ITGB3BP: variants seen among roughly 807,000 people sequenced by gnomAD.
ITGB3BP encodes the protein centromere protein R.
Under a neutral mutation model 29.1 loss-of-function variants are expected in ITGB3BP, and 27 were observed. The observed-to-expected ratio is 0.93, with a 90% CI of 0.68 to 1.28. The LOEUF (loss-of-function observed/expected upper bound fraction) is 1.28, where lower values mean the gene tolerates loss of function less well. Among genes scored for constraint, ITGB3BP ranks in the 50% most tolerant of loss-of-function variants. The pLI is 0.00. For synonymous variants in ITGB3BP, 61 were observed against 61.4 expected, an observed-to-expected ratio of 0.99 and a Z score of 0.03; for missense variants, 192 against 200.2, an observed-to-expected ratio of 0.96 and a Z score of 0.25.
intron 2 of ITGB3BP, among the ~76,000 whole-genome samples, chr1:63,506,007 A>G (rs1646069588): frequency 6.6e-6 from 1 of 152,130 alleles, no homozygotes; most frequent in Non-Finnish European, 1.5e-5. Context: ...TGGGGTGGAG[A>G]GTTCTGTAGA....
intron 8 of ITGB3BP, among the ~76,000 whole-genome samples, chr1:63,446,014 C>T (rs1471396498): frequency 6.6e-6 from 1 of 152,184 alleles, no homozygotes; most frequent in Non-Finnish European, 1.5e-5. Flanking sequence ...AGCGATTCTC[C>T]TGCCTCAGCC....
intron 2 of ITGB3BP, among the ~76,000 whole-genome samples, chr1:63,501,039 C>T (rs1199202506): frequency 5.9e-5 from 9 of 152,058 alleles, no homozygotes; most frequent in African/African-American, 2.2e-4. Flanking sequence ...AACAAAGGTG[C>T]CAAGGCTGTT....
At position 63,510,088 on chromosome 1, in the gene ITGB3BP, G is replaced by A. The variant is rs777645577; in HGVS notation, c.6-1518C>T. On this transcript the variant is annotated intron_variant, in intron 1 of 8. Coordinates refer to ENST00000271002, the MANE Select transcript of ITGB3BP (RefSeq NM_014288.5). ...GCCTGTAATCCCAACTACTCCCAAG[G>A]CTGAGGCAGGAGAATCGCTTGAACG... The A allele has an allele frequency of 1.8e-4, 110 of 619,072 alleles. No individual in the cohort carries two copies. The Admixed American group carries it at 1.8e-3, about 10-fold the overall frequency. 38.3% of individuals were successfully genotyped at this position (619,072 alleles called of 1,614,324 possible). A position where few individuals can be genotyped will look rare whatever the true frequency, so the allele number is the denominator to read the frequency against.
intron 1 of ITGB3BP, among the ~76,000 whole-genome samples, chr1:63,514,409 T>C (rs1439713493): frequency 2.0e-5 from 3 of 152,190 alleles, no homozygotes; most frequent in Non-Finnish European, 4.4e-5. Context: ...GTAGAGGTGC[T>C]AGATCATTGG....
chr1:63,453,978 AAAG>A lies in ITGB3BP; in HGVS notation c.428-7_428-5del. 6.5e-7 allele frequency: 1 copy of A among 1,544,136 alleles called. No homozygotes were observed. Among genetic ancestry groups the A allele is most frequent in the African/African-American group, 1.4e-5 (1 of 73,436 alleles). On this transcript the variant is annotated splice_region_variant and splice_polypyrimidine_tract_variant and intron_variant, in intron 6 of 8. Coordinates refer to ENST00000271002, the MANE Select transcript of ITGB3BP (RefSeq NM_014288.5). ...TTTTGTTTATTCACTTTTGTCACTA[AAAG>A]AAGTAAAAATCCCATGTCAAGAATT...
At chr1:63,453,795 C>A (rs574297095) in intron 7 of ITGB3BP, 123 bp downstream of exon 7, 55 of 648,918 alleles carry the variant, frequency 8.5e-5, no homozygotes, top group Middle Eastern at 7.7e-4. Context: ...AAAGAACATA[C>A]TTCAGAACAG....
chr1:63,463,249 C>CAAAAAA (rs10693054), intron 4 of ITGB3BP, among the ~76,000 whole-genome samples: 20 of 77,122 alleles, frequency 2.6e-4, no homozygotes, highest in East Asian at 3.8e-4. Flanking sequence ...AACTCTGTCT[C>CAAAAAA]AAAAAAAAAA....
intron 2 of ITGB3BP, among the ~76,000 whole-genome samples, chr1:63,496,086 C>A (rs138298126): frequency 1.3e-5 from 2 of 149,310 alleles, no homozygotes; most frequent in South Asian, 4.2e-4. Context: ...TCATTCTGGG[C>A]CACTACAATT....
intron 4 of ITGB3BP, among the ~76,000 whole-genome samples, chr1:63,469,679 T>C (rs1645162535): frequency 6.6e-6 from 1 of 152,214 alleles, no homozygotes; most frequent in Admixed American, 6.5e-5. Context: ...AAGATACAAA[T>C]GTCCTATAGA....
chr1:63,447,796 A>G (rs1350099619), intron 7 of ITGB3BP: 1 of 354,546 alleles, frequency 2.8e-6, no homozygotes, highest in Non-Finnish European at 5.6e-6. Flanking sequence ...CTAGAACTAG[A>G]AATACCATTT....
At chr1:63,488,938 C>T (rs1269616835) in intron 3 of ITGB3BP, among the ~76,000 whole-genome samples, 3 of 151,910 alleles carry the variant, frequency 2.0e-5, no homozygotes, top group African/African-American at 7.2e-5. Flanking sequence ...AAGGAATGTC[C>T]CCTTAAGTCC....
chr1:63,460,037 G>A (rs1019153169), intron 4 of ITGB3BP, among the ~76,000 whole-genome samples: 5 of 150,782 alleles, frequency 3.3e-5, no homozygotes, highest in African/African-American at 4.9e-5. Flanking sequence ...ATTCCCCCCC[G>A]TGTTTAGCTC....
At chr1:63,511,294 A>G (rs1646194486) in intron 1 of ITGB3BP, among the ~76,000 whole-genome samples, 2 of 152,312 alleles carry the variant, frequency 1.3e-5, no homozygotes, top group Admixed American at 6.5e-5. Flanking sequence ...CAAACAGAAA[A>G]TAAGTGTTGG....
intron 1 of ITGB3BP, 26 bp from the exon 2 acceptor site, chr1:63,508,596 T>C (rs1395060994): frequency 1.1e-5 from 12 of 1,116,684 alleles, no homozygotes; most frequent in Non-Finnish European, 7.7e-6. Context: ...TTAAAGAAAT[T>C]TTAGATTTGA....
intron 2 of ITGB3BP, among the ~76,000 whole-genome samples, chr1:63,501,002 G>C (rs9436681): frequency 0.96 from 146,113 of 152,308 alleles, 70,413 homozygotes; most frequent in Middle Eastern, 1. Flanking sequence ...TGAAATAAAT[G>C]CATACATTTA....
At chr1:63,442,270 A>T (rs1205420923) in intron 8 of ITGB3BP, among the ~76,000 whole-genome samples, 1 of 152,196 alleles carries the variant, frequency 6.6e-6, no homozygotes, top group Non-Finnish European at 1.5e-5. Flanking sequence ...GACAAATTTG[A>T]TTGGCCAAAG....
intron 4 of ITGB3BP, among the ~76,000 whole-genome samples, chr1:63,477,783 T>G (rs1286697803): frequency 1.3e-5 from 2 of 152,204 alleles, no homozygotes; most frequent in Non-Finnish European, 2.9e-5. Context: ...TCTTTACTCT[T>G]TAGTGTCCAT....
At chr1:63,442,193 A>G (rs1051193385) in intron 8 of ITGB3BP, among the ~76,000 whole-genome samples, 12 of 83,492 alleles carry the variant, frequency 1.4e-4, no homozygotes, top group Middle Eastern at 6.5e-3. Flanking sequence ...ACAGTAGAGA[A>G]TAATACTTCT....
chr1:63,448,732 G>T (rs1003071634), intron 7 of ITGB3BP, among the ~76,000 whole-genome samples: 2 of 152,010 alleles, frequency 1.3e-5, no homozygotes, highest in Non-Finnish European at 2.9e-5. Context: ...TCCACCTCAA[G>T]AATAGTCTTC....
Sources: gnomAD v4.1 joint callset for allele counts (sites outside exome capture counted in the v4.1 genomes callset) on GRCh38, gnomAD v4.1.1 for gene constraint, MANE v1.5 for transcripts, NCBI Gene and HGNC (gene_info 2026-07-23, HGNC 2026-07-21) for gene names.